The following CELF2 variants were observed in gnomAD, a reference collection of about 807,000 sequenced individuals.
CELF2 encodes the protein CUGBP Elav-like family member 2.
Under a neutral mutation model 62.6 loss-of-function variants are expected in CELF2, and 8 were observed. The observed-to-expected ratio is 0.13, with a 90% CI of 0.07 to 0.23. The LOEUF (loss-of-function observed/expected upper bound fraction) is 0.23, where lower values mean the gene tolerates loss of function less well. Among genes scored for constraint, CELF2 ranks in the 10% least tolerant of loss-of-function variants. The pLI is 1.00. For missense variants in CELF2, 333 were observed against 671.0 expected (o/e 0.50, Z 5.56); for synonymous variants, 258 against 250.0 (o/e 1.03, Z -0.30).
intron 3 of CELF2, among the ~76,000 whole-genome samples, chr10:11,229,986 G>A (rs1267420316): frequency 1.3e-5 from 2 of 152,166 alleles, no homozygotes; most frequent in South Asian, 2.1e-4. Flanking sequence ...AGGGCTAGGT[G>A]GTGGTGACAT....
the CELF2 span, among the ~76,000 whole-genome samples, chr10:10,523,923 G>T: frequency 6.6e-6 from 1 of 152,116 alleles, no homozygotes; most frequent in Non-Finnish European, 1.5e-5. Flanking sequence ...CCTGTGAATG[G>T]CACCATCCAC....
At chr10:11,190,764 T>C (rs975764406) in intron 2 of CELF2, among the ~76,000 whole-genome samples, 2 of 130,840 alleles carry the variant, frequency 1.5e-5, no homozygotes, top group African/African-American at 5.9e-5. Flanking sequence ...GGGTTTTGTA[T>C]CTCTTTTCTT....
chr10:11,192,440 C>T (rs1188919812), intron 2 of CELF2, among the ~76,000 whole-genome samples: 2 of 152,238 alleles, frequency 1.3e-5, no homozygotes, highest in Admixed American at 1.3e-4. Flanking sequence ...CTGCCCAGCC[C>T]TGCCACCCTG....
upstream of CELF2, chr10:11,017,828 C>A: frequency 2.2e-6 from 1 of 453,720 alleles, no homozygotes; most frequent in Non-Finnish European, 2.9e-6. The surrounding 1 kb of genome is among the most constrained non-coding windows in gnomAD (Gnocchi z 5.5). Flanking sequence ...TCTGGGCCGG[C>A]GGGCCCGCAG....
intron 1 of CELF2, among the ~76,000 whole-genome samples, chr10:11,086,475 G>A (rs1044088344): frequency 2.7e-5 from 4 of 148,114 alleles, no homozygotes; most frequent in Admixed American, 7.0e-5. Flanking sequence ...AAGTAAAATA[G>A]CATCATTGAG....
intron 2 of CELF2, among the ~76,000 whole-genome samples, chr10:10,932,804 A>G (rs887426732): frequency 5.9e-5 from 9 of 152,284 alleles, no homozygotes; most frequent in East Asian, 1.9e-4. Context: ...ATATCATTGG[A>G]GGGAATATCC....
chr10:10,759,673 G>A, the CELF2 span, among the ~76,000 whole-genome samples: 5 of 151,954 alleles, frequency 3.3e-5, no homozygotes, highest in African/African-American at 1.2e-4. Context: ...AGGCTTCATG[G>A]CCCTAACAAC....
the CELF2 span, among the ~76,000 whole-genome samples, chr10:10,530,532 C>T: frequency 6.6e-6 from 1 of 152,194 alleles, no homozygotes; most frequent in Non-Finnish European, 1.5e-5. Flanking sequence ...GTCTCAGCCT[C>T]ATTTTTGTAG....
intron 1 of CELF2, among the ~76,000 whole-genome samples, chr10:10,830,774 G>A (rs1461444267): frequency 6.6e-6 from 1 of 152,096 alleles, no homozygotes; most frequent in African/African-American, 2.4e-5. Context: ...TTGGCTAGAA[G>A]AAGCACACAA....
At chr10:10,930,772 T>C (rs2065976932) in intron 2 of CELF2, among the ~76,000 whole-genome samples, 1 of 152,256 alleles carries the variant, frequency 6.6e-6, no homozygotes, top group Non-Finnish European at 1.5e-5. Context: ...TTTTCTCCTG[T>C]ATTTAAAGGG....
intron 1 of CELF2, among the ~76,000 whole-genome samples, chr10:10,898,926 T>G (rs1449512425): frequency 6.6e-6 from 1 of 152,222 alleles, no homozygotes; most frequent in East Asian, 1.9e-4. Context: ...GATAAAAATA[T>G]TGAATTATAA....
chr10:10,650,033 G>C, the CELF2 span, among the ~76,000 whole-genome samples: 1 of 152,128 alleles, frequency 6.6e-6, no homozygotes, highest in Non-Finnish European at 1.5e-5. Flanking sequence ...CTTTGCTCCA[G>C]GAATGCCAAT....
the CELF2 span, among the ~76,000 whole-genome samples, chr10:10,648,678 A>C: frequency 6.6e-6 from 1 of 152,070 alleles, no homozygotes; most frequent in African/African-American, 2.4e-5. Context: ...GTATATTTTG[A>C]TTTTCTCTTA....
Position 11,244,429 on chromosome 10 carries a change from G to A in CELF2, c.355-4724G>A, listed in dbSNP as rs892466591. ...AGCACTTTGGGAGGCCGAGGTGGGT[G>A]GATCCCAAGGTCAGGAGATCGAGAC... On this transcript the variant is annotated intron_variant, in intron 3 of 12. Transcript: ENST00000633077. The surrounding 1 kb of genome is among the most constrained non-coding windows in gnomAD (Gnocchi z 4.2). Among the ~76,000 whole-genome samples the A allele has an allele frequency of 6.6e-6, 1 of 152,206 alleles. No individual in the cohort carries two copies. The highest frequency in any genetic ancestry group is 2.4e-5 in the African/African-American group (1 of 41,446).
chr10:10,617,189 T>C, the CELF2 span, among the ~76,000 whole-genome samples: 1 of 152,118 alleles, frequency 6.6e-6, no homozygotes, highest in African/African-American at 2.4e-5. Flanking sequence ...GAATGACAAC[T>C]TTGGGAATAT....
intron 2 of CELF2, among the ~76,000 whole-genome samples, chr10:10,977,705 C>A (rs1229306792): frequency 6.6e-6 from 1 of 152,228 alleles, no homozygotes; most frequent in Non-Finnish European, 1.5e-5. Context: ...TGTACATTCT[C>A]TTCACTGGAC....
the CELF2 span, among the ~76,000 whole-genome samples, chr10:10,579,606 C>T: frequency 6.6e-6 from 1 of 152,082 alleles, no homozygotes; most frequent in African/African-American, 2.4e-5. Flanking sequence ...CTTCCCTCCA[C>T]CTTGAAAATA....
rs781631472 is a variant in CELF2, at chr10:11,046,713, C to T, written c.74+28550C>T. 4.6e-5 allele frequency among the ~76,000 whole-genome samples: 7 copies of T among 152,166 alleles called. No individual in the cohort carries two copies. The highest frequency in any genetic ancestry group is 1.0e-4 in the Non-Finnish European group (7 of 68,022). ...GGACCCATACAGGAATGAGGATTCTCATACCTCCCAAAGAGTTTTTGTAAA... is the reference window on the plus strand; with the variant it reads ...GGACCCATACAGGAATGAGGATTCTTATACCTCCCAAAGAGTTTTTGTAAA... On this transcript the variant is annotated intron_variant, in intron 1 of 12. Transcript: ENST00000633077. The surrounding 1 kb of genome is among the most constrained non-coding windows in gnomAD (Gnocchi z 4.6).
chr10:10,785,873 A>G, the CELF2 span, among the ~76,000 whole-genome samples: 1 of 152,216 alleles, frequency 6.6e-6, no homozygotes, highest in African/African-American at 2.4e-5. Context: ...CTGAGAGTGT[A>G]GAATTTAAGT....
Sources: allele counts gnomAD v4.1 joint callset (sites outside exome capture counted in the v4.1 genomes callset), GRCh38; gene constraint gnomAD v4.1.1; non-coding constraint Gnocchi (gnomAD v3.1); transcripts MANE v1.5; gene names NCBI Gene and HGNC (gene_info 2026-07-23, HGNC 2026-07-21).